ABCC1: variants seen among roughly 807,000 people sequenced by gnomAD.
ABCC1 encodes the protein ATP binding cassette subfamily C member 1 (ABCC1 blood group), also known as multidrug resistance-associated protein 1.
In ABCC1, 83 loss-of-function variants were observed where a neutral mutation model predicts 172.9. That is an observed-to-expected ratio of 0.48 (90% CI 0.40 to 0.58). The LOEUF is 0.58. Among genes scored for constraint, ABCC1 ranks in the 20% least tolerant of loss-of-function variants. The pLI is 0.00. For missense variants in ABCC1, 1,817 were observed against 2,002.7 expected (o/e 0.91, Z 1.77); for synonymous variants, 937 against 825.2 (o/e 1.14, Z -2.32).
At chr16:16,138,151 T>G (rs2045987652) in intron 29 of ABCC1, among the ~76,000 whole-genome samples, 1 of 152,104 alleles carries the variant, frequency 6.6e-6, no homozygotes, top group African/African-American at 2.4e-5. Context: ...GCTGCTGTTT[T>G]GAGAATGATT....
chr16:16,016,215 G>A (rs1213795272), intron 4 of ABCC1, among the ~76,000 whole-genome samples: 5 of 144,726 alleles, frequency 3.5e-5, no homozygotes, highest in East Asian at 4.2e-4. Flanking sequence ...ATGCAGTGGC[G>A]TGATCTCGGC....
intron 5 of ABCC1, among the ~76,000 whole-genome samples, chr16:16,017,651 C>T (rs542770825): frequency 7.2e-4 from 109 of 152,268 alleles, no homozygotes; most frequent in African/African-American, 2.6e-3. Flanking sequence ...TCAAGCGATC[C>T]TCTTGCCTTG....
At chr16:16,085,012 G>A (rs917310485) in intron 17 of ABCC1, among the ~76,000 whole-genome samples, 1 of 152,130 alleles carries the variant, frequency 6.6e-6, no homozygotes, top group Non-Finnish European at 1.5e-5. Flanking sequence ...GGAATTTGTT[G>A]TTATACCTAG....
chr16:15,999,769 TTC>T (rs1228532784), intron 1 of ABCC1, among the ~76,000 whole-genome samples: 6 of 25,366 alleles, frequency 2.4e-4, no homozygotes, highest in African/African-American at 6.4e-4. Context: ...CCCGGCCTCT[TTC>T]TCTCTCTCTC....
chr16:16,015,729 C>G (rs1426854998), intron 4 of ABCC1, among the ~76,000 whole-genome samples: 1 of 152,188 alleles, frequency 6.6e-6, no homozygotes, highest in East Asian at 1.9e-4. Flanking sequence ...GTTGTAGGGG[C>G]TGTCCTGTGC....
At chr16:16,049,375 C>T (rs559911983) in intron 10 of ABCC1, among the ~76,000 whole-genome samples, 1 of 152,316 alleles carries the variant, frequency 6.6e-6, no homozygotes, top group Admixed American at 6.5e-5. Flanking sequence ...TGTCCTCTCC[C>T]ATGGCAGAAG....
At chr16:16,094,344 C>T (rs1474580167) in intron 19 of ABCC1, 5 of 253,454 alleles carry the variant, frequency 2.0e-5, no homozygotes, top group Non-Finnish European at 4.0e-5. Context: ...CTTTTTGGGC[C>T]GCCGACCTTG....
Position 16,141,500 on chromosome 16 carries a change from C to A in ABCC1, c.*219C>A. ...CAGGAGAGACAGAGATGCGAACCAC[C>A]CAAAACACGCACACCCTGCCCCTGG... On this transcript the variant is annotated 3_prime_UTR_variant, in exon 31 of 31. Coordinates refer to ENST00000399410, the MANE Select transcript of ABCC1 (RefSeq NM_004996.4). 3.6e-6 allele frequency: 2 copies of A among 562,810 alleles called. No individual in the cohort carries two copies. The highest frequency in any genetic ancestry group is 3.2e-6 in the Non-Finnish European group (1 of 315,196). The allele number at this position is 562,810 out of a possible 1,614,324, so 34.9% of individuals were successfully genotyped here.
chr16:16,132,295 T>A (rs2152138809), intron 27 of ABCC1, among the ~76,000 whole-genome samples: 1 of 151,984 alleles, frequency 6.6e-6, no homozygotes, highest in East Asian at 1.9e-4. Context: ...GTGGGGGGAC[T>A]ACACATGGTT....
At chr16:16,011,746 C>T (rs2047792769) in intron 3 of ABCC1, among the ~76,000 whole-genome samples, 1 of 151,888 alleles carries the variant, frequency 6.6e-6, no homozygotes, top group Non-Finnish European at 1.5e-5. Flanking sequence ...CTTGAGTTGC[C>T]GCAACCTCTG....
chr16:16,103,369 C>T (rs1056884168), intron 20 of ABCC1, among the ~76,000 whole-genome samples: 1 of 152,080 alleles, frequency 6.6e-6, no homozygotes, highest in East Asian at 1.9e-4. Context: ...CACCTGAGGA[C>T]AGGAGTTGAA....
At chr16:15,979,771 A>G (rs1465904259) in intron 1 of ABCC1, among the ~76,000 whole-genome samples, 3 of 152,102 alleles carry the variant, frequency 2.0e-5, no homozygotes, top group South Asian at 2.1e-4. Context: ...AAGTGACTGT[A>G]GTCAACATTA....
intron 1 of ABCC1, among the ~76,000 whole-genome samples, chr16:16,005,357 T>G (rs2047489904): frequency 6.6e-6 from 1 of 151,752 alleles, no homozygotes. Flanking sequence ...TGATTTTTTT[T>G]TTTTTTTTTG....
chr16:16,025,467 C>T (rs971398808), intron 5 of ABCC1, among the ~76,000 whole-genome samples: 19 of 152,230 alleles, frequency 1.2e-4, no homozygotes, highest in Admixed American at 7.9e-4. Context: ...GACAGAGCTG[C>T]GTTTGAGGAT....
intron 1 of ABCC1, among the ~76,000 whole-genome samples, chr16:15,988,003 G>C (rs991061549): frequency 2.0e-5 from 3 of 152,140 alleles, no homozygotes; most frequent in African/African-American, 7.2e-5. Context: ...TGTCACCCAG[G>C]CTGGAGTGCA....
At chr16:16,108,631 T>C (rs2052250556) in intron 21 of ABCC1, among the ~76,000 whole-genome samples, 1 of 150,072 alleles carries the variant, frequency 6.7e-6, no homozygotes. Context: ...GGTCTGACTC[T>C]GTCACCCAGG....
At chr16:16,123,786 C>T (rs899682014) in intron 24 of ABCC1, among the ~76,000 whole-genome samples, 2 of 152,090 alleles carry the variant, frequency 1.3e-5, no homozygotes, top group Non-Finnish European at 2.9e-5. Flanking sequence ...CCAAGGCAGG[C>T]GGGTCACTTG....
chr16:16,103,298 G>A (rs1034171131), intron 20 of ABCC1, among the ~76,000 whole-genome samples: 5 of 152,086 alleles, frequency 3.3e-5, no homozygotes, highest in Admixed American at 2.0e-4. Context: ...TGGCTAAGTC[G>A]GCCAGGCAGG....
At chr16:16,105,108 C>A (rs534431717) in intron 20 of ABCC1, among the ~76,000 whole-genome samples, 1 of 152,234 alleles carries the variant, frequency 6.6e-6, no homozygotes, top group African/African-American at 2.4e-5. Context: ...GCTCCTCAAG[C>A]GCTGCCAGAG....
Sources: allele counts gnomAD v4.1 joint callset (sites outside exome capture counted in the v4.1 genomes callset), GRCh38; gene constraint gnomAD v4.1.1; transcripts MANE v1.5; gene names NCBI Gene and HGNC (gene_info 2026-07-23, HGNC 2026-07-21).